The following NLRC5 variants were observed in gnomAD, a reference collection of about 807,000 sequenced individuals.
The protein encoded by NLRC5 is protein NLRC5.
A neutral mutation model predicts 206.9 loss-of-function variants in NLRC5; 114 were observed. That is an observed-to-expected ratio of 0.55 (90% CI 0.47 to 0.64). NLRC5 has a LOEUF of 0.64. Ranked by LOEUF, NLRC5 falls within the 30% of genes least tolerant of loss-of-function variation. NLRC5 has a pLI of 0.00. For synonymous variants in NLRC5, 952 were observed against 962.8 expected (o/e 0.99, Z 0.21); for missense variants, 2,008 against 2,305.5 (o/e 0.87, Z 2.64).
At chr16:56,999,492 C>A (rs1047519548) in intron 1 of NLRC5, among the ~76,000 whole-genome samples, 1 of 152,264 alleles carries the variant, frequency 6.6e-6, no homozygotes, top group East Asian at 1.9e-4. Context: ...GCCTTACTTA[C>A]CAAACCAAAG....
At chr16:57,006,410 C>A (rs1170682050) in intron 1 of NLRC5, among the ~76,000 whole-genome samples, 1 of 73,484 alleles carries the variant, frequency 1.4e-5, no homozygotes, top group Non-Finnish European at 3.0e-5. Context: ...TCATCTTCAT[C>A]CTCTTTTTTT....
intron 48 of NLRC5, among the ~76,000 whole-genome samples, 194 bp from the exon 49 acceptor site, chr16:57,082,223 G>T (rs760745920): frequency 6.6e-6 from 1 of 152,210 alleles, no homozygotes; most frequent in Non-Finnish European, 1.5e-5. Context: ...AGGGAGGAAG[G>T]TTGAGTTGGA....
intron 39 of NLRC5, 52 bp from the exon 40 acceptor site, chr16:57,076,767 C>G: frequency 2.6e-6 from 4 of 1,540,474 alleles, no homozygotes; most frequent in Non-Finnish European, 3.6e-6. Flanking sequence ...ACAGCACCTG[C>G]AAAGGCCTTT....
At chr16:57,080,546 G>A (rs865965509) in intron 46 of NLRC5, among the ~76,000 whole-genome samples, 9 of 144,780 alleles carry the variant, frequency 6.2e-5, no homozygotes, top group Non-Finnish European at 1.0e-4. Context: ...GTGCAGTGGT[G>A]CAATCTCGGC....
chr16:57,004,250 A>G (rs289708), intron 1 of NLRC5, among the ~76,000 whole-genome samples: 119,249 of 151,988 alleles, frequency 0.78, 47,461 homozygotes, highest in Non-Finnish European at 0.85. Flanking sequence ...GGATGATGAA[A>G]GGGCATTTGT....
At chr16:57,067,343 T>C in intron 34 of NLRC5, 44 bp from the exon 35 acceptor site, 1 of 1,513,258 alleles carries the variant, frequency 6.6e-7, no homozygotes, top group Non-Finnish European at 9.2e-7. Context: ...TCCCACATAC[T>C]GGACTAGATG....
chr16:57,061,962 G>C (rs1370188587), intron 32 of NLRC5: 1 of 1,504,988 alleles, frequency 6.6e-7, no homozygotes, highest in East Asian at 2.6e-5. Context: ...AGGTTTCAGA[G>C]GATACTGAAC....
Position 57,041,987 on chromosome 16 carries a change from C to T in NLRC5, c.3035C>T (p.Ser1012Leu). ...CHLGHLHLDFSGNALGDEGAA... is the reference protein window; with the variant it reads ...CHLGHLHLDFLGNALGDEGAA... ...TCCCTTCTCCCCACCCCCAGCTTCT[C>T]AGGCAATGCTCTGGGGGATGAAGGT... Residue 1012 changes from serine (S) to leucine (L), a missense_variant, in exon 19 of 49, where the codon TCA becomes TTA. By Grantham distance (145) the Ser-to-Leu change is moderately radical (BLOSUM62 -2). Coordinates refer to ENST00000688547, the MANE Select transcript of NLRC5 (RefSeq NM_001384950.1). The T allele has an allele frequency of 1.9e-6, 3 of 1,572,206 alleles. No homozygotes were observed. The highest frequency in any genetic ancestry group is 2.6e-6 in the Non-Finnish European group (3 of 1,163,970).
intron 38 of NLRC5, among the ~76,000 whole-genome samples, chr16:57,071,145 GTGT>G (rs1820529163): frequency 7.0e-6 from 1 of 142,852 alleles, no homozygotes; most frequent in Non-Finnish European, 1.5e-5. Context: ...TAATGGGGAA[GTGT>G]TGTGAGTGAG....
At chr16:57,008,189 G>T (rs1016303350) in intron 1 of NLRC5, among the ~76,000 whole-genome samples, 1 of 151,318 alleles carries the variant, frequency 6.6e-6, no homozygotes, top group African/African-American at 2.4e-5. Flanking sequence ...GGAGTTCAAG[G>T]CCAGCCTGGG....
At chr16:57,065,439 G>GCTACCCT in intron 33 of NLRC5, 141 bp downstream of exon 33, 1 of 484,834 alleles carries the variant, frequency 2.1e-6, no homozygotes, top group Non-Finnish European at 3.5e-6. Context: ...AGGAGCTCCT[G>GCTACCCT]GGGCATATGT....
intron 1 of NLRC5, among the ~76,000 whole-genome samples, chr16:56,998,291 T>C (rs1318562696): frequency 6.6e-6 from 1 of 152,002 alleles, no homozygotes; most frequent in African/African-American, 2.4e-5. Context: ...AAACTTTTTA[T>C]ACATAAAGCT....
rs2069108382 is a variant in NLRC5, at chr16:57,081,248, G to A, written c.5405+67G>A. 3.5e-6 allele frequency: 5 copies of A among 1,447,448 alleles called. No homozygotes were observed. In the Admixed American group the frequency reaches 7.9e-5, roughly 23 times the overall value. The allele number at this position is 1,447,448 out of a possible 1,614,324, so 89.7% of individuals were successfully genotyped here. ...ACCTACATCCCGGGAACACCAAGAGGCCACTGGGTCAGTCCCCTGCCTCCC... is the reference window on the plus strand; with the variant it reads ...ACCTACATCCCGGGAACACCAAGAGACCACTGGGTCAGTCCCCTGCCTCCC... On this transcript the variant is annotated intron_variant, in intron 47 of 48. Coordinates refer to ENST00000688547, the MANE Select transcript of NLRC5 (RefSeq NM_001384950.1).
chr16:57,037,019 A>G (rs1176559325), intron 14 of NLRC5, among the ~76,000 whole-genome samples, 176 bp from the exon 15 acceptor site: 3 of 152,128 alleles, frequency 2.0e-5, no homozygotes, highest in East Asian at 3.8e-4. Flanking sequence ...TGGGGGTGTC[A>G]TGCATTTTTT....
chr16:57,041,927 C>A, intron 18 of NLRC5, 55 bp from the exon 19 acceptor site: 1 of 1,239,732 alleles, frequency 8.1e-7, no homozygotes, highest in South Asian at 1.5e-5. Context: ...ACCATGCTGC[C>A]AGCAACCCAC....
intron 38 of NLRC5, chr16:57,074,298 C>T (rs1366327789): frequency 3.9e-6 from 1 of 253,906 alleles, no homozygotes; most frequent in Admixed American, 4.5e-5. Flanking sequence ...CCAGATGGCC[C>T]CAAGCCCTGA....
At chr16:57,001,573 A>C (rs1487267989) in intron 1 of NLRC5, among the ~76,000 whole-genome samples, 1 of 152,206 alleles carries the variant, frequency 6.6e-6, no homozygotes, top group African/African-American at 2.4e-5. Flanking sequence ...AGTGGTAATC[A>C]TAGCTTGTGT....
intron 5 of NLRC5, 141 bp downstream of exon 5, chr16:57,023,994 G>T: frequency 1.3e-6 from 1 of 789,928 alleles, no homozygotes. Flanking sequence ...AGGAGAAAAG[G>T]ACTGGAGGTC....
chr16:57,077,720 C>G lies in NLRC5; in HGVS notation c.4921C>G (p.Leu1641Val). ...CTGATGGCTGCCCCCCTCCCACAGC[C>G]TCTCAGGGAATAGCATCAGCTCAGC... is the stretch of plus-strand genomic sequence containing the variant. The part of the protein sequence containing the change: ...PGLPELRKID[L>V]SGNSISSAGG... The change falls in exon 42 of 49, where the codon CTC (leucine) becomes GTC (valine). Residue 1641 changes from leucine (L) to valine (V), a missense_variant and splice_region_variant. Leu to Val is a conservative substitution (Grantham distance 32, BLOSUM62 1). Coordinates refer to ENST00000688547, the MANE Select transcript of NLRC5 (RefSeq NM_001384950.1). 6.3e-7 allele frequency: 1 copy of G among 1,579,030 alleles called. No homozygotes were observed. The highest frequency in any genetic ancestry group is 8.6e-7 in the Non-Finnish European group (1 of 1,160,082).
Sources: allele counts gnomAD v4.1 joint callset (sites outside exome capture counted in the v4.1 genomes callset), GRCh38; gene constraint gnomAD v4.1.1; transcripts MANE v1.5; gene names NCBI Gene and HGNC (gene_info 2026-07-23, HGNC 2026-07-21).